The following ITGA5 variants were observed in gnomAD, a reference collection of about 807,000 sequenced individuals.
ITGA5 encodes the protein integrin subunit alpha 5, also known as integrin alpha-5.
Under a neutral mutation model 146.3 loss-of-function variants are expected in ITGA5, and 55 were observed. The observed-to-expected ratio is 0.38, with a 90% CI of 0.30 to 0.47. ITGA5 has a LOEUF of 0.47. Ranked by LOEUF, ITGA5 falls within the 20% of genes least tolerant of loss-of-function variation. ITGA5 has a pLI of 0.99. For missense variants in ITGA5, 1,131 were observed against 1,329.0 expected (o/e 0.85, Z 2.32); for synonymous variants, 500 against 531.8 (o/e 0.94, Z 0.82).
chr12:54,398,024 A>C (rs1220598442), intron 28 of ITGA5, among the ~76,000 whole-genome samples: 1 of 151,746 alleles, frequency 6.6e-6, no homozygotes, highest in East Asian at 1.9e-4. Context: ...CAGCCTCCCG[A>C]GTAGCTGGGA....
rs2120474981 is a variant in ITGA5 at position 54,399,676 on chromosome 12, T to A, written c.2810A>T (p.His937Leu). 6.2e-7 allele frequency: 1 copy of A among 1,614,146 alleles called. No homozygotes were observed. The highest frequency in any genetic ancestry group is 2.2e-5 in the East Asian group (1 of 44,886). The change falls in exon 27 of 30, where the codon CAT becomes CTT. Residue 937 changes from histidine (H) to leucine (L), a missense_variant. His to Leu is a moderately conservative substitution (Grantham distance 99). This residue lies in a region of ITGA5 where 889 missense variants were observed against 1,021.5 expected (regional missense o/e 0.87). Transcript: ENST00000293379. ...GAAAGTCTTGGCCCAGACTCGGAAA[T>A]GCAACTGCAGACTTTGGCTCTCTTG... is the stretch of plus-strand genomic sequence containing the variant. ...HQQESQSLQL[H>L]FRVWAKTFLQ...
chr12:54,419,058 C>T lies in ITGA5; in HGVS notation c.141G>A (p.Glu47=), dbSNP rs1956044888. The T allele has an allele frequency of 6.3e-7, 1 of 1,585,422 alleles. No individual in the cohort carries two copies. Among genetic ancestry groups the T allele is most frequent in the South Asian group, 1.1e-5 (1 of 87,466 alleles). Residue 47 remains glutamate, a synonymous_variant, in exon 1 of 30, where the codon GAG becomes GAA. Transcript: ENST00000293379. ...GGGGCCCCGAGAGTACTGCTGGGGC[C>T]TCCGCGTCTAAGTTGAAGCCCCCGA... ...PRVGGFNLDA[E]APAVLSGPPG...
At chr12:54,398,766 G>T in intron 27 of ITGA5, 68 bp from the exon 28 acceptor site, 2 of 1,008,626 alleles carry the variant, frequency 2.0e-6, no homozygotes, top group Non-Finnish European at 2.9e-6. Flanking sequence ...GTTCCCCATC[G>T]TCTGGCTGGG....
At chr12:54,408,675 A>C (rs1472944852) in intron 6 of ITGA5, 81 bp downstream of exon 6, 1 of 1,309,202 alleles carries the variant, frequency 7.6e-7, no homozygotes, top group Non-Finnish European at 1.1e-6. Context: ...GTGCCACTGC[A>C]CTCCAGCCTG....
intron 19 of ITGA5, 132 bp downstream of exon 19, chr12:54,402,851 T>C (rs1955806425): frequency 2.9e-6 from 2 of 687,990 alleles, no homozygotes; most frequent in South Asian, 1.7e-5. Context: ...ATTCCCACTA[T>C]ACAGACAAAG....
chr12:54,405,503 T>C, intron 11 of ITGA5, 129 bp from the exon 12 acceptor site: 1 of 996,172 alleles, frequency 1.0e-6, no homozygotes. Flanking sequence ...GATCATCAGC[T>C]CTCAGCTCTT....
At position 54,409,475 on chromosome 12, in the gene ITGA5, G is replaced by A; in HGVS notation, c.462+10C>T. The A allele has an allele frequency of 6.2e-7, 1 of 1,612,198 alleles. No individual in the cohort carries two copies. The highest frequency in any genetic ancestry group is 8.5e-7 in the Non-Finnish European group (1 of 1,178,346). On this transcript the variant is annotated intron_variant, in intron 3 of 29. Coordinates refer to ENST00000293379, the MANE Select transcript of ITGA5 (RefSeq NM_002205.5). The surrounding 1 kb of genome is among the most constrained non-coding windows in gnomAD (Gnocchi z 4.7). ...TGGCCACCACACCACTGAGCTTGCT[G>A]GCCCCTCACCAAGATGGAGGAGCCA...
Position 54,408,512 on chromosome 12 carries a change from G to A in ITGA5, c.691+244C>T, listed in dbSNP as rs375035353. On this transcript the variant is annotated intron_variant, in intron 6 of 29. Coordinates refer to ENST00000293379, the MANE Select transcript of ITGA5 (RefSeq NM_002205.5). ...AGAGGCCAAGAGGGGTGGATCACGA[G>A]GTCAGGAGTCCAAGACCAGCCTGGC... Among the ~76,000 whole-genome samples the A allele has an allele frequency of 5.4e-4, 82 of 152,136 alleles. 1 individual carries two copies. The highest frequency in any genetic ancestry group is 9.7e-4 in the East Asian group (5 of 5,178).
chr12:54,396,832 C>T (rs1955716655), intron 29 of ITGA5, among the ~76,000 whole-genome samples: 1 of 152,082 alleles, frequency 6.6e-6, no homozygotes, highest in East Asian at 1.9e-4. Flanking sequence ...TATAGGCACG[C>T]ACCACCAAAC....
At chr12:54,398,760 C>A in intron 27 of ITGA5, 62 bp from the exon 28 acceptor site, 1 of 1,114,140 alleles carries the variant, frequency 9.0e-7, no homozygotes, top group South Asian at 1.5e-5. Context: ...CATAGGGTTC[C>A]CCATCGTCTG....
Position 54,399,952 on chromosome 12 carries a change from A to G in ITGA5, c.2644-5T>C. 6.2e-7 allele frequency: 1 copy of G among 1,611,528 alleles called. No individual in the cohort carries two copies. Among genetic ancestry groups the G allele is most frequent in the Non-Finnish European group, 8.5e-7 (1 of 1,177,732 alleles). On this transcript the variant is annotated splice_region_variant and splice_polypyrimidine_tract_variant and intron_variant, in intron 25 of 29. Coordinates refer to ENST00000293379, the MANE Select transcript of ITGA5 (RefSeq NM_002205.5). ...CAGGGAACCCTCGGGATCCAACTAT[A>G]AAAGAAAGTGTTGGGCCCCTTTCCC...
Position 54,402,992 on chromosome 12 carries a change from T to TC in ITGA5, c.1972dup (p.Glu658GlyfsTer13). On this transcript the variant is annotated frameshift_variant, in exon 19 of 30. Coordinates refer to ENST00000293379, the MANE Select transcript of ITGA5 (RefSeq NM_002205.5). LOFTEE classifies it high-confidence loss of function. Reference sequence around the variant, plus strand: ...CGTCAGCCCTACTTACCCAAACACTTCCAGCTGCAGGTCAGGCACACAGAT... The same window carrying TC: ...CGTCAGCCCTACTTACCCAAACACTTCCCAGCTGCAGGTCAGGCACACAGAT... The TC allele has an allele frequency of 6.2e-7, 1 of 1,613,974 alleles. No individual in the cohort carries two copies. Among genetic ancestry groups the TC allele is most frequent in the Non-Finnish European group, 8.5e-7 (1 of 1,179,970 alleles).
intron 2 of ITGA5, among the ~76,000 whole-genome samples, chr12:54,410,307 A>C (rs1045825167): frequency 6.7e-6 from 1 of 149,010 alleles, no homozygotes; most frequent in African/African-American, 2.5e-5. Flanking sequence ...TTCTTTGTCT[A>C]TACTTGGACT....
At position 54,419,188 on chromosome 12, in the gene ITGA5, C is replaced by G. The variant is rs748286038; in HGVS notation, c.11G>C (p.Arg4Pro). The change falls in exon 1 of 30, where the codon CGG becomes CCG. Residue 4 changes from arginine to proline, a missense_variant. Arg to Pro is a moderately radical substitution (Grantham distance 103, BLOSUM62 -2). Coordinates refer to ENST00000293379, the MANE Select transcript of ITGA5 (RefSeq NM_002205.5). ...GGCGTGGAGAGGGGACTCTGGCGTC[C>G]GGCTCCCCATAGCGCCCGCTCTTCC... MGS[R>P]TPESPLHAVQ... 3 of 1,562,938 alleles carry G rather than the reference C, an allele frequency of 1.9e-6. No homozygotes were observed. In the African/African-American group the frequency reaches 4.1e-5, roughly 21 times the overall value.
intron 1 of ITGA5, among the ~76,000 whole-genome samples, chr12:54,413,973 C>T (rs763669820): frequency 6.6e-6 from 1 of 152,222 alleles, no homozygotes; most frequent in South Asian, 2.1e-4. Flanking sequence ...CCTGGGGTGG[C>T]CTGAGGAAGT....
Position 54,403,299 on chromosome 12 carries a change from A to T in ITGA5, c.1802T>A (p.Leu601His). 6.5e-7 allele frequency: 1 copy of T among 1,538,094 alleles called. No individual in the cohort carries two copies. The highest frequency in any genetic ancestry group is 8.7e-7 in the Non-Finnish European group (1 of 1,144,968). ...LRNESEFRDK[L>H]SPIHIALNFS... The stretch of plus-strand genomic sequence containing the variant: ...GTTGAGAGCGATGTGAATCGGCGAG[A>T]GTTTGTCTCGAAATTCTGACTCGTT... The change falls in exon 18 of 30, where the codon CTC (leucine) becomes CAC (histidine). Residue 601 changes from leucine (L) to histidine (H), a missense_variant. Physicochemically the swap from Leu to His is moderately conservative, Grantham distance 99. Around this residue, in one of 3 missense-constraint regions of ITGA5, gnomAD observed 889 missense variants for 1,021.5 expected, o/e 0.87. Transcript: ENST00000293379. The surrounding 1 kb of genome is among the most constrained non-coding windows in gnomAD (Gnocchi z 4.9).
chr12:54,404,152 C>T lies in ITGA5; in HGVS notation c.1558G>A (p.Val520Met). The T allele has an allele frequency of 6.3e-7, 1 of 1,583,774 alleles. No individual in the cohort carries two copies. The highest frequency in any genetic ancestry group is 8.6e-7 in the Non-Finnish European group (1 of 1,164,958). The change falls in exon 15 of 30, where the codon GTG becomes ATG. Residue 520 changes from valine (V) to methionine (M), a missense_variant. By Grantham distance (21) the Val-to-Met change is conservative. Around this residue, in one of 3 missense-constraint regions of ITGA5, gnomAD observed 889 missense variants for 1,021.5 expected, o/e 0.87. Transcript: ENST00000293379. ...ERSCSLEGNP[V>M]ACINLSFCLN... is the part of the protein sequence containing the mutation. ...TCCTGGGCACCAGCTCACCAGGCCA[C>T]AGGGTTCCCCTCTAAGCTGCAGCTC...
chr12:54,399,830 C>G, intron 26 of ITGA5, 34 bp downstream of exon 26: 1 of 1,610,740 alleles, frequency 6.2e-7, no homozygotes, highest in African/African-American at 1.3e-5. Context: ...GTACTCAACA[C>G]TTTGGTCCAC....
intron 19 of ITGA5, 21 bp downstream of exon 19, chr12:54,402,962 C>CTT: frequency 1.2e-6 from 2 of 1,611,308 alleles, no homozygotes; most frequent in Non-Finnish European, 1.7e-6. Context: ...AGCTCCCTAG[C>CTT]TTACCGTCAG....
Sources: gnomAD v4.1 joint callset for allele counts (sites outside exome capture counted in the v4.1 genomes callset) on GRCh38, gnomAD v4.1.1 for gene constraint, gnomAD v4.1.1 regional missense constraint, Gnocchi (gnomAD v3.1) non-coding constraint, MANE v1.5 for transcripts, NCBI Gene and HGNC (gene_info 2026-07-23, HGNC 2026-07-21) for gene names.